Variants in SEC16B observed in about 807,000 individuals in gnomAD.
The protein encoded by SEC16B is protein transport protein Sec16B.
A neutral mutation model predicts 141.8 loss-of-function variants in SEC16B; 115 were observed. That is an observed-to-expected ratio of 0.81 (90% CI 0.70 to 0.95). The LOEUF (loss-of-function observed/expected upper bound fraction) is 0.95. Ranked by LOEUF, SEC16B falls within the 40% of genes least tolerant of loss-of-function variation. The pLI is 0.00. For synonymous variants in SEC16B, 493 were observed against 492.5 expected (o/e 1.00, Z -0.01); for missense variants, 1,291 against 1,312.3 (o/e 0.98, Z 0.25).
intron 1 of SEC16B, among the ~76,000 whole-genome samples, chr1:177,968,315 A>G (rs1448791636): frequency 6.6e-6 from 1 of 152,230 alleles, no homozygotes; most frequent in Non-Finnish European, 1.5e-5. Context: ...AATAATAGGT[A>G]CAGCTAAAAA....
At chr1:177,959,515 G>A (rs185533529) in intron 8 of SEC16B, 57 of 166,752 alleles carry the variant, frequency 3.4e-4, no homozygotes, top group Middle Eastern at 3.0e-3. Context: ...TACCCAACTC[G>A]CTTTTTTGCC....
At chr1:177,983,140 C>T (rs1654488022) in intron 1 of SEC16B, among the ~76,000 whole-genome samples, 1 of 152,188 alleles carries the variant, frequency 6.6e-6, no homozygotes, top group Non-Finnish European at 1.5e-5. Flanking sequence ...AGAAGCTGTT[C>T]AGCAAGGGGA....
intron 11 of SEC16B, among the ~76,000 whole-genome samples, 160 bp from the exon 12 acceptor site, chr1:177,952,155 T>C (rs1652244036): frequency 6.6e-6 from 1 of 152,202 alleles, no homozygotes; most frequent in Admixed American, 6.5e-5. Context: ...CACAGCCTCC[T>C]CTGGGGAGAG....
chr1:177,974,178 G>A (rs577712454), upstream of SEC16B, among the ~76,000 whole-genome samples: 99 of 152,186 alleles, frequency 6.5e-4, no homozygotes, highest in South Asian at 1.5e-3. Flanking sequence ...TGGTGGGGAA[G>A]ATGATGTGTT....
chr1:177,982,772 T>C (rs1558000661), intron 1 of SEC16B, among the ~76,000 whole-genome samples: 1 of 152,346 alleles, frequency 6.6e-6, no homozygotes, highest in South Asian at 2.1e-4. Context: ...CTTAAGCCTA[T>C]GGGTCACACT....
intron 1 of SEC16B, among the ~76,000 whole-genome samples, chr1:177,977,219 C>T (rs1256001339): frequency 1.3e-5 from 2 of 152,068 alleles, no homozygotes; most frequent in African/African-American, 2.4e-5. Context: ...TCACTCCCTG[C>T]CATTTGTTGG....
At chr1:177,943,034 C>T (rs1557972745) in intron 15 of SEC16B, among the ~76,000 whole-genome samples, 1 of 152,172 alleles carries the variant, frequency 6.6e-6, no homozygotes, top group Non-Finnish European at 1.5e-5. Context: ...TTTTCTCTTT[C>T]GTAAAAGGAA....
At position 177,964,199 on chromosome 1, in the gene SEC16B, C is replaced by T. The variant is rs771420277; in HGVS notation, c.614G>A (p.Ser205Asn). ...ATTTTTCTGGGCCTCAGCAAGCAGGCTCCCTGGAAACAGCTCCCCCGGCCA... is the reference window on the plus strand; with the variant it reads ...ATTTTTCTGGGCCTCAGCAAGCAGGTTCCCTGGAAACAGCTCCCCCGGCCA... Reference protein sequence around the residue: ...QEWPGELFPGSLLAEAQKNKP... With the variant: ...QEWPGELFPGNLLAEAQKNKP... The change falls in exon 5 of 26, where the codon AGC (serine) becomes AAC (asparagine). Residue 205 changes from serine to asparagine, a missense_variant. Physicochemically the swap from Ser to Asn is conservative, Grantham distance 46. Coordinates refer to ENST00000308284, the MANE Select transcript of SEC16B (RefSeq NM_033127.4). The T allele has an allele frequency of 1.2e-6, 2 of 1,613,432 alleles. No homozygotes were observed. Among genetic ancestry groups the T allele is most frequent in the African/African-American group, 2.7e-5 (2 of 74,908 alleles).
intron 21 of SEC16B, 81 bp from the exon 22 acceptor site, chr1:177,933,393 A>C (rs1650598315): frequency 6.4e-7 from 1 of 1,561,480 alleles, no homozygotes; most frequent in South Asian, 1.2e-5. Flanking sequence ...CCATGTAACC[A>C]TCAGAGCCCA....
intron 10 of SEC16B, among the ~76,000 whole-genome samples, chr1:177,956,066 C>A (rs1652576139): frequency 6.6e-6 from 1 of 152,166 alleles, no homozygotes; most frequent in African/African-American, 2.4e-5. Context: ...CAGCACACTG[C>A]CTATTTTGGT....
In SEC16B at chr1:177,946,361, G is replaced by A. The variant is rs771965448; in HGVS notation, c.1775+59C>T. 6.4e-6 allele frequency: 8 copies of A among 1,245,476 alleles called. No homozygotes were observed. The South Asian group carries it at 1.0e-4, about 16-fold the overall frequency. The allele number at this position is 1,245,476 out of a possible 1,614,324, so 77.2% of individuals were successfully genotyped here. On this transcript the variant is annotated intron_variant, in intron 14 of 25. Coordinates refer to ENST00000308284, the MANE Select transcript of SEC16B (RefSeq NM_033127.4). ...AAAATGGATCCATAAAACCCAACAA[G>A]GGCTAAAACAGTCCCTTGGAAAATG...
Position 177,932,515 on chromosome 1 carries a change from C to A in SEC16B, c.2987G>T (p.Gly996Val), listed in dbSNP as rs772826191. 6.4e-7 allele frequency: 1 copy of A among 1,552,498 alleles called. No homozygotes were observed. The highest frequency in any genetic ancestry group is 1.9e-5 in the Admixed American group (1 of 51,416). Residue 996 changes from glycine to valine, a missense_variant, in exon 24 of 26, where the codon GGG becomes GTG. Physicochemically the swap from Gly to Val is moderately radical, Grantham distance 109. Around this residue, in one of 3 missense-constraint regions of SEC16B, gnomAD observed 605 missense variants for 614.1 expected, o/e 0.99. Coordinates refer to ENST00000308284, the MANE Select transcript of SEC16B (RefSeq NM_033127.4). The part of the protein sequence containing the change: ...ASSGGAAAGA[G>V]VGGLSGPESV... ...CTCTGGTCCAGACAAGCCTCCAACC[C>A]CAGCGCCCGCAGCTGCTCCCCCGCT...
intron 4 of SEC16B, 137 bp downstream of exon 4, chr1:177,964,910 T>G: frequency 9.8e-7 from 1 of 1,023,730 alleles, no homozygotes; most frequent in Non-Finnish European, 1.4e-6. Context: ...CCTGGGATAT[T>G]CCCATATCCC....
At chr1:177,973,493 A>AATCAATAGTGTTAGTTCAACC (rs1461319546), upstream of SEC16B, among the ~76,000 whole-genome samples, 8 of 152,346 alleles carry the variant, frequency 5.3e-5, no homozygotes, top group African/African-American at 1.9e-4. Context: ...CATTATTTTT[A>AATCAATAGTGTTAGTTCAACC]ATCAATAGTG....
chr1:177,960,375 T>A lies in SEC16B; in HGVS notation c.965A>T (p.Glu322Val). ...EVILNDSEEQ[E>V]EMRSFSGPLI... ...GGGTCCTGAGAAACTTCTCATCTCCTCTTGCTCTTCGGAATCATTAAGAAT... is the reference window on the plus strand; with the variant it reads ...GGGTCCTGAGAAACTTCTCATCTCCACTTGCTCTTCGGAATCATTAAGAAT... Residue 322 changes from glutamate to valine, a missense_variant, in exon 8 of 26, where the codon GAG (glutamate) becomes GTG (valine). Physicochemically the swap from Glu to Val is moderately radical, Grantham distance 121 (BLOSUM62 -2). Transcript: ENST00000308284. The A allele has an allele frequency of 6.2e-7, 1 of 1,605,446 alleles. No homozygotes were observed. Among genetic ancestry groups the A allele is most frequent in the Non-Finnish European group, 8.5e-7 (1 of 1,174,398 alleles).
At chr1:177,956,284 AC>A (rs1194595769) in intron 10 of SEC16B, among the ~76,000 whole-genome samples, 1 of 152,048 alleles carries the variant, frequency 6.6e-6, no homozygotes, top group Admixed American at 6.5e-5. Flanking sequence ...TGTAATAGAG[AC>A]CCCATGGCTT....
intron 2 of SEC16B, among the ~76,000 whole-genome samples, chr1:177,967,043 C>T (rs1454826644): frequency 6.6e-6 from 1 of 152,160 alleles, no homozygotes; most frequent in Non-Finnish European, 1.5e-5. Flanking sequence ...GCTTACAGAC[C>T]AGGGAAGCAG....
intron 1 of SEC16B, among the ~76,000 whole-genome samples, chr1:177,975,802 A>AC (rs1654147852): frequency 6.6e-6 from 1 of 152,064 alleles, no homozygotes; most frequent in South Asian, 2.1e-4. Context: ...CAACTAAGCT[A>AC]CCCCCTGGAA....
upstream of SEC16B, among the ~76,000 whole-genome samples, chr1:177,972,939 A>G (rs1285926290): frequency 6.6e-6 from 1 of 152,178 alleles, no homozygotes; most frequent in Non-Finnish European, 1.5e-5. Flanking sequence ...AAAGATGGCC[A>G]TCTGCAAACC....
Sources: allele counts gnomAD v4.1 joint callset (sites outside exome capture counted in the v4.1 genomes callset), GRCh38; gene constraint gnomAD v4.1.1; regional missense constraint gnomAD v4.1.1; transcripts MANE v1.5; gene names NCBI Gene and HGNC (gene_info 2026-07-23, HGNC 2026-07-21).